The following PCSK5 variants were observed in gnomAD, a reference collection of about 807,000 sequenced individuals.
The protein encoded by PCSK5 is proprotein convertase subtilisin/kexin type 5.
PCSK5 carries 129 observed loss-of-function variants against 233.2 expected under a neutral mutation model. The observed-to-expected ratio is 0.55, with a 90% confidence interval of 0.48 to 0.64. The LOEUF is 0.64. Ranked by LOEUF, PCSK5 falls within the 30% of genes least tolerant of loss-of-function variation. The pLI is 0.00. For synonymous variants in PCSK5, 825 were observed against 879.2 expected (o/e 0.94, Z 1.09); for missense variants, 2,076 against 2,430.1 (o/e 0.85, Z 3.06).
intron 3 of PCSK5, among the ~76,000 whole-genome samples, chr9:76,005,997 G>T (rs2792220): frequency 0.97 from 147,111 of 151,820 alleles, 71,288 homozygotes; most frequent in East Asian, 1. Flanking sequence ...GCCTCCCAAG[G>T]GGCTAGGAGC....
intron 24 of PCSK5, among the ~76,000 whole-genome samples, chr9:76,273,368 G>A (rs753353060): frequency 6.6e-5 from 10 of 151,918 alleles, no homozygotes; most frequent in Admixed American, 1.3e-4. Context: ...CTGACTCTGA[G>A]CTAAGTATTG....
chr9:76,210,914 G>A (rs190696044), intron 20 of PCSK5, among the ~76,000 whole-genome samples: 5 of 152,272 alleles, frequency 3.3e-5, no homozygotes, highest in African/African-American at 1.2e-4. Context: ...GATGTGAGGA[G>A]GGATCGGGGA....
intron 8 of PCSK5, among the ~76,000 whole-genome samples, chr9:76,102,351 A>G (rs1344856266): frequency 6.6e-6 from 1 of 151,228 alleles, no homozygotes; most frequent in Non-Finnish European, 1.5e-5. Flanking sequence ...ATCATTTTAT[A>G]TGGACACACA....
chr9:76,197,809 C>T (rs186976957), intron 20 of PCSK5, among the ~76,000 whole-genome samples: 12 of 152,326 alleles, frequency 7.9e-5, no homozygotes, highest in East Asian at 3.9e-4. Context: ...GTGTAGAAGA[C>T]GGCACAGATC....
Position 75,969,736 on chromosome 9 carries a change from T to C in PCSK5, c.298-16396T>C, listed in dbSNP as rs550190455. ...CAAGGACTGTGCTGAGTATTTGACA[T>C]GAATTAGCTCATTTACTCTTTAGAT... On this transcript the variant is annotated intron_variant, in intron 2 of 37. Coordinates refer to ENST00000674117, the MANE Select transcript of PCSK5 (RefSeq NM_001372043.1). 9.7e-4 allele frequency among the ~76,000 whole-genome samples: 148 copies of C among 152,308 alleles called. 1 individual carries two copies. Among genetic ancestry groups the C allele is most frequent in the African/African-American group, 3.4e-3 (140 of 41,564 alleles).
intron 24 of PCSK5, among the ~76,000 whole-genome samples, chr9:76,276,237 AT>A (rs1004431313): frequency 2.0e-5 from 3 of 152,120 alleles, no homozygotes; most frequent in African/African-American, 7.2e-5. Context: ...AAATAAAAAA[AT>A]AAAATAAAAT....
chr9:76,255,196 A>G (rs1355343094), intron 24 of PCSK5, among the ~76,000 whole-genome samples: 1 of 152,118 alleles, frequency 6.6e-6, no homozygotes, highest in Non-Finnish European at 1.5e-5. Context: ...CTGAGGTGGG[A>G]TGATTGCCTG....
At position 76,180,894 on chromosome 9, in the gene PCSK5, GTT is replaced by G. The variant is rs33951103; in HGVS notation, c.2004-490_2004-489del. Among the ~76,000 whole-genome samples, 310 of 143,300 alleles carry G rather than the reference GTT, an allele frequency of 2.2e-3. 1 individual carries two copies. Among genetic ancestry groups the G allele is most frequent in the African/African-American group, 6.0e-3 (239 of 39,608 alleles). The allele number at this position is 143,300 out of a possible 152,430, so 94.0% of individuals were successfully genotyped here. On this transcript the variant is annotated intron_variant, in intron 15 of 37. Coordinates refer to ENST00000674117, the MANE Select transcript of PCSK5 (RefSeq NM_001372043.1). ...GCTTCCATTATGGGCAAACAAGGAA[GTT>G]TTTTTTTTTTTTTAAGTGTTCTCAT... is the stretch of plus-strand genomic sequence containing the variant.
At chr9:76,339,979 T>C (rs944878326) in intron 35 of PCSK5, among the ~76,000 whole-genome samples, 7 of 152,204 alleles carry the variant, frequency 4.6e-5, no homozygotes, top group African/African-American at 1.2e-4. Flanking sequence ...AAATATGCCA[T>C]GTTCTTTCAT....
At chr9:76,088,878 A>G (rs1331894074) in intron 7 of PCSK5, among the ~76,000 whole-genome samples, 1 of 152,108 alleles carries the variant, frequency 6.6e-6, no homozygotes, top group African/African-American at 2.4e-5. Flanking sequence ...TGAGTGCTAC[A>G]AAAAACAGTA....
chr9:76,189,523 T>TA, intron 19 of PCSK5, 108 bp from the exon 20 acceptor site: 1 of 726,036 alleles, frequency 1.4e-6, no homozygotes, highest in East Asian at 2.6e-5. Flanking sequence ...GATTTTTGAG[T>TA]AATCTTCAGA....
At chr9:76,087,210 T>C (rs1831100096) in intron 7 of PCSK5, among the ~76,000 whole-genome samples, 1 of 152,270 alleles carries the variant, frequency 6.6e-6, no homozygotes, top group South Asian at 2.1e-4. Flanking sequence ...TCAACCCTTA[T>C]GAAGAAAGGG....
At chr9:76,134,455 C>G (rs895823112) in intron 10 of PCSK5, among the ~76,000 whole-genome samples, 5 of 151,996 alleles carry the variant, frequency 3.3e-5, no homozygotes, top group East Asian at 1.9e-4. Context: ...CGACCAACCC[C>G]CATGTATAGT....
intron 2 of PCSK5, among the ~76,000 whole-genome samples, chr9:75,966,523 A>G (rs914256): frequency 0.77 from 117,186 of 152,186 alleles, 45,344 homozygotes; most frequent in Admixed American, 0.81. Flanking sequence ...GCTCTTGAAA[A>G]AAGTCTTTCT....
At chr9:76,018,630 A>G (rs940397071) in intron 3 of PCSK5, among the ~76,000 whole-genome samples, 1 of 151,836 alleles carries the variant, frequency 6.6e-6, no homozygotes, top group Non-Finnish European at 1.5e-5. Context: ...CCTGGTGTCA[A>G]AAAGGTTGGG....
chr9:76,038,592 C>A (rs1828963736), intron 5 of PCSK5, among the ~76,000 whole-genome samples: 1 of 152,188 alleles, frequency 6.6e-6, no homozygotes, highest in South Asian at 2.1e-4. Flanking sequence ...ATCCACCCAT[C>A]TCGTGTATCA....
intron 3 of PCSK5, among the ~76,000 whole-genome samples, chr9:76,006,945 G>A (rs1296038285): frequency 1.3e-5 from 2 of 152,082 alleles, no homozygotes; most frequent in Non-Finnish European, 2.9e-5. Flanking sequence ...TTAGACACAG[G>A]TACAAGCATA....
chr9:76,351,345 AC>A (rs1830116135), intron 36 of PCSK5, among the ~76,000 whole-genome samples: 1 of 151,422 alleles, frequency 6.6e-6, no homozygotes, highest in Admixed American at 6.6e-5. Context: ...TGCTTCCTTT[AC>A]CACTTTACAG....
chr9:76,322,170 A>AGGTG (rs1481301612), intron 31 of PCSK5, among the ~76,000 whole-genome samples: 2 of 152,084 alleles, frequency 1.3e-5, no homozygotes, highest in African/African-American at 4.8e-5. Flanking sequence ...GGCTGGTCTC[A>AGGTG]AACTCCTGAC....
Sources: allele counts gnomAD v4.1 joint callset (sites outside exome capture counted in the v4.1 genomes callset), GRCh38; gene constraint gnomAD v4.1.1; transcripts MANE v1.5; gene names NCBI Gene and HGNC (gene_info 2026-07-23, HGNC 2026-07-21).